CD82: variants seen among roughly 807,000 people sequenced by gnomAD.
The protein encoded by CD82 is CD82 antigen.
A neutral mutation model predicts 37.4 loss-of-function variants in CD82; 36 were observed. The ratio of observed to expected loss-of-function variants is 0.96; its 90% CI spans 0.74 to 1.27. CD82 has a LOEUF of 1.27. Among genes scored for constraint, CD82 ranks in the 50% most tolerant of loss-of-function variants. CD82 has a pLI of 0.00. For missense variants in CD82, 340 were observed against 347.0 expected (o/e 0.98, Z 0.16); for synonymous variants, 158 against 137.4 (o/e 1.15, Z -1.05).
At chr11:44,594,799 T>G (rs1590338752) in intron 3 of CD82, 74 bp downstream of exon 3, 1 of 1,289,140 alleles carries the variant, frequency 7.8e-7, no homozygotes, top group East Asian at 2.3e-5. Context: ...CCTGAGCCTT[T>G]CCAGAGCCGA....
intron 2 of CD82, among the ~76,000 whole-genome samples, chr11:44,593,215 T>C (rs1004959386): frequency 5.3e-5 from 8 of 152,184 alleles, no homozygotes; most frequent in African/African-American, 1.7e-4. Flanking sequence ...GCCGGGGAAA[T>C]TGAAGACTTT....
At chr11:44,608,828 G>A (rs899529624) in intron 6 of CD82, among the ~76,000 whole-genome samples, 4 of 152,238 alleles carry the variant, frequency 2.6e-5, no homozygotes, top group African/African-American at 9.6e-5. Context: ...GTCCCTCCAG[G>A]CCCTTTCTAA....
chr11:44,573,550 A>G (rs1852845265), intron 1 of CD82, among the ~76,000 whole-genome samples: 1 of 152,156 alleles, frequency 6.6e-6, no homozygotes, highest in Non-Finnish European at 1.5e-5. Context: ...GGCAGGGAGG[A>G]TGTGTCCTCT....
chr11:44,618,458 C>A, intron 8 of CD82, 93 bp downstream of exon 8: 1 of 1,186,608 alleles, frequency 8.4e-7, no homozygotes, highest in Non-Finnish European at 1.2e-6. Context: ...CATTTAGTTC[C>A]TTCCCTTAAT....
chr11:44,581,671 T>C (rs1345777396), intron 1 of CD82, among the ~76,000 whole-genome samples: 1 of 152,198 alleles, frequency 6.6e-6, no homozygotes, highest in East Asian at 1.9e-4. Flanking sequence ...TTCGGTGAAC[T>C]GCAGTGGATG....
intron 1 of CD82, among the ~76,000 whole-genome samples, chr11:44,577,343 C>T (rs1383443993): frequency 6.6e-6 from 1 of 151,994 alleles, no homozygotes. Flanking sequence ...ATCACTTCCT[C>T]CTGTCTTCCT....
At chr11:44,566,098 T>C (rs1174442998) in intron 1 of CD82, 1 of 152,266 alleles carries the variant, frequency 6.6e-6, no homozygotes, top group Non-Finnish European at 1.5e-5. Context: ...GGTGTTCCCA[T>C]CGCGTTGCCC....
intron 4 of CD82, among the ~76,000 whole-genome samples, chr11:44,600,653 C>G (rs1285476303): frequency 1.2e-4 from 19 of 152,208 alleles, no homozygotes; most frequent in Non-Finnish European, 2.4e-4. Flanking sequence ...AGTGGTGCTT[C>G]GCTATAAGCC....
At chr11:44,618,905 C>A in intron 9 of CD82, 144 bp from the exon 10 acceptor site, 1 of 847,168 alleles carries the variant, frequency 1.2e-6, no homozygotes, top group Non-Finnish European at 1.9e-6. Context: ...CGCTCTGGGC[C>A]TCCCTCTGCT....
intron 6 of CD82, among the ~76,000 whole-genome samples, chr11:44,605,908 G>A (rs182609198): frequency 1.3e-4 from 20 of 152,334 alleles, no homozygotes; most frequent in African/African-American, 4.6e-4. Flanking sequence ...GAAGGAGACC[G>A]TTAATAAAAA....
chr11:44,619,262 C>A lies in CD82; in HGVS notation c.*136C>A, dbSNP rs1365843705. 2.8e-6 allele frequency: 2 copies of A among 703,490 alleles called. No individual in the cohort carries two copies. The highest frequency in any genetic ancestry group is 1.7e-5 in the African/African-American group (1 of 57,314). The allele number at this position is 703,490 out of a possible 1,614,324, so 43.6% of individuals were successfully genotyped here. A position where few individuals can be genotyped will look rare whatever the true frequency, so the allele number is the denominator to read the frequency against. The stretch of plus-strand genomic sequence containing the variant: ...GCCCATCCTGACTGAAAGTAGGGGG[C>A]TTTCTGGGGCCTAGCGATCTCTCCT... On this transcript the variant is annotated 3_prime_UTR_variant, in exon 10 of 10. Transcript: ENST00000227155.
intron 3 of CD82, among the ~76,000 whole-genome samples, chr11:44,598,300 C>G (rs1399327673): frequency 6.6e-6 from 1 of 151,586 alleles, no homozygotes; most frequent in African/African-American, 2.4e-5. Context: ...CCTACTGAGC[C>G]ACCTGGGCCC....
intron 1 of CD82, among the ~76,000 whole-genome samples, chr11:44,571,517 C>T (rs1470004925): frequency 1.3e-5 from 2 of 152,120 alleles, no homozygotes; most frequent in Non-Finnish European, 2.9e-5. Flanking sequence ...TTTAAGACAG[C>T]GCCTGGCACA....
At chr11:44,587,202 G>A (rs1325843151) in intron 1 of CD82, 4 of 346,282 alleles carry the variant, frequency 1.2e-5, no homozygotes, top group African/African-American at 6.4e-5. Context: ...CTGAGCCAAG[G>A]CTTGTGGGAA....
intron 3 of CD82, chr11:44,596,827 A>C (rs538863201): frequency 2.2e-6 from 1 of 446,530 alleles, no homozygotes; most frequent in Admixed American, 2.4e-5. Context: ...CCTGATTGCT[A>C]TACTTCCGGA....
intron 6 of CD82, among the ~76,000 whole-genome samples, chr11:44,606,006 G>T (rs946046408): frequency 1.3e-5 from 2 of 152,236 alleles, no homozygotes; most frequent in Non-Finnish European, 2.9e-5. Flanking sequence ...GACATCTGTG[G>T]TTGACTTGAC....
chr11:44,613,090 T>C (rs1853509587), intron 6 of CD82, among the ~76,000 whole-genome samples: 1 of 152,210 alleles, frequency 6.6e-6, no homozygotes, highest in Admixed American at 6.5e-5. Context: ...AGTCAGGCTC[T>C]GAAACCCCAC....
intron 1 of CD82, among the ~76,000 whole-genome samples, chr11:44,575,696 T>C (rs1038540343): frequency 6.6e-6 from 1 of 152,074 alleles, no homozygotes; most frequent in African/African-American, 2.4e-5. Flanking sequence ...GTAGGAACCT[T>C]GTCCTGTTTA....
intron 1 of CD82, among the ~76,000 whole-genome samples, chr11:44,572,451 A>G (rs1248719943): frequency 6.6e-6 from 1 of 152,258 alleles, no homozygotes; most frequent in Non-Finnish European, 1.5e-5. Context: ...AATGTATTAT[A>G]TGAACTTGGG....
Sources: allele counts gnomAD v4.1 joint callset (sites outside exome capture counted in the v4.1 genomes callset), GRCh38; gene constraint gnomAD v4.1.1; transcripts MANE v1.5; gene names NCBI Gene and HGNC (gene_info 2026-07-23, HGNC 2026-07-21).